The following KHDRBS2 variants were observed in gnomAD, a reference collection of about 807,000 sequenced individuals.
KHDRBS2 encodes the protein KH domain-containing, RNA-binding, signal transduction-associated protein 2.
In KHDRBS2, 26 loss-of-function variants were observed where a neutral mutation model predicts 44.3. The observed-to-expected ratio is 0.59, with a 90% CI of 0.43 to 0.81. The LOEUF is 0.81. KHDRBS2 is among the 40% of genes least tolerant of loss of function. KHDRBS2 has a pLI of 0.00. For missense variants in KHDRBS2, 476 were observed against 433.1 expected (o/e 1.10, Z -0.88); for synonymous variants, 194 against 151.1 (o/e 1.28, Z -2.08).
At chr6:61,870,539 C>A (rs1268165788) in intron 6 of KHDRBS2, among the ~76,000 whole-genome samples, 1 of 152,134 alleles carries the variant, frequency 6.6e-6, no homozygotes, top group Non-Finnish European at 1.5e-5. Flanking sequence ...TGTCAGACTG[C>A]CTCCTCAAGT....
intron 1 of KHDRBS2, among the ~76,000 whole-genome samples, chr6:62,225,982 G>A (rs1234982556): frequency 6.6e-6 from 1 of 152,158 alleles, no homozygotes; most frequent in African/African-American, 2.4e-5. Context: ...ATTGTAAATA[G>A]TGTTGCAATA....
intron 4 of KHDRBS2, among the ~76,000 whole-genome samples, chr6:61,966,400 T>C (rs754033403): frequency 2.4e-4 from 37 of 152,032 alleles, no homozygotes; most frequent in Admixed American, 9.2e-4. Context: ...CTTTCTCCCA[T>C]ACTATGACTG....
chr6:61,881,945 A>C (rs576653996), intron 6 of KHDRBS2, among the ~76,000 whole-genome samples: 6 of 152,058 alleles, frequency 3.9e-5, no homozygotes, highest in Non-Finnish European at 5.9e-5. Context: ...AAAATATTGC[A>C]GTATAAATGG....
chr6:62,098,986 T>A (rs548431729), intron 2 of KHDRBS2, among the ~76,000 whole-genome samples: 2 of 152,298 alleles, frequency 1.3e-5, no homozygotes, highest in East Asian at 3.9e-4. Context: ...GTTGGATTTT[T>A]AAAAAAATTA....
At chr6:62,127,433 A>G (rs1442123064) in intron 2 of KHDRBS2, among the ~76,000 whole-genome samples, 3 of 152,154 alleles carry the variant, frequency 2.0e-5, no homozygotes, top group Non-Finnish European at 4.4e-5. Context: ...ATTAAAACAT[A>G]AAACTGGTCA....
At chr6:62,175,409 A>G (rs919678389) in intron 2 of KHDRBS2, among the ~76,000 whole-genome samples, 1 of 151,590 alleles carries the variant, frequency 6.6e-6, no homozygotes, top group Admixed American at 6.6e-5. Context: ...AAAGTAATGC[A>G]AATATGTGGG....
intron 2 of KHDRBS2, among the ~76,000 whole-genome samples, chr6:62,079,210 T>C (rs1796930360): frequency 6.6e-6 from 1 of 152,032 alleles, no homozygotes; most frequent in Non-Finnish European, 1.5e-5. Context: ...TTTATCATGC[T>C]GTTTTGTCTC....
intron 3 of KHDRBS2, among the ~76,000 whole-genome samples, chr6:61,980,158 G>T (rs1468861518): frequency 6.6e-6 from 1 of 152,094 alleles, no homozygotes; most frequent in African/African-American, 2.4e-5. Flanking sequence ...TCTTCCATAA[G>T]CAGTGTATCC....
At chr6:62,140,840 A>C (rs1812660480) in intron 2 of KHDRBS2, among the ~76,000 whole-genome samples, 1 of 152,216 alleles carries the variant, frequency 6.6e-6, no homozygotes, top group South Asian at 2.1e-4. Flanking sequence ...GAATCAAAGG[A>C]AATATAAGCT....
intron 2 of KHDRBS2, among the ~76,000 whole-genome samples, chr6:62,077,293 C>T (rs935929044): frequency 5.9e-5 from 9 of 152,078 alleles, no homozygotes; most frequent in South Asian, 2.1e-4. Flanking sequence ...TTCAGACCTA[C>T]CAGAAGCAAT....
chr6:62,141,992 T>C (rs1812920195), intron 2 of KHDRBS2, among the ~76,000 whole-genome samples: 1 of 152,008 alleles, frequency 6.6e-6, no homozygotes, highest in African/African-American at 2.4e-5. Flanking sequence ...TTACAAAAAC[T>C]CACCAAAAGT....
intron 3 of KHDRBS2, among the ~76,000 whole-genome samples, chr6:62,024,976 G>T (rs1167929940): frequency 6.6e-6 from 1 of 151,558 alleles, no homozygotes; most frequent in East Asian, 1.9e-4. Context: ...ATATAAAACA[G>T]TCAAAACAAT....
chr6:61,839,164 T>A (rs1056958523), intron 6 of KHDRBS2, among the ~76,000 whole-genome samples: 3 of 152,118 alleles, frequency 2.0e-5, no homozygotes, highest in African/African-American at 7.2e-5. Flanking sequence ...ATAAGAAGCG[T>A]CTGTGTCTCC....
At chr6:61,920,463 A>G (rs1807868288) in intron 4 of KHDRBS2, among the ~76,000 whole-genome samples, 2 of 151,946 alleles carry the variant, frequency 1.3e-5, no homozygotes, top group Non-Finnish European at 2.9e-5. Flanking sequence ...TATACCACCT[A>G]TTTGAAACAA....
At chr6:61,639,894 G>A in the KHDRBS2 span, among the ~76,000 whole-genome samples, 1 of 152,020 alleles carries the variant, frequency 6.6e-6, no homozygotes, top group East Asian at 1.9e-4. Context: ...GAAAAAAGAA[G>A]AGGGGACTGT....
chr6:62,210,649 T>G (rs1332781133), intron 1 of KHDRBS2, among the ~76,000 whole-genome samples: 1 of 152,162 alleles, frequency 6.6e-6, no homozygotes, highest in Non-Finnish European at 1.5e-5. Flanking sequence ...AACAGATTAT[T>G]CCTTTTCTAT....
At chr6:62,241,853 G>A (rs1162571533) in intron 1 of KHDRBS2, among the ~76,000 whole-genome samples, 1 of 152,058 alleles carries the variant, frequency 6.6e-6, no homozygotes, top group Non-Finnish European at 1.5e-5. Context: ...TATGCATATA[G>A]TCTGGCTCCG....
chr6:62,175,709 T>C (rs1257169776), intron 2 of KHDRBS2, among the ~76,000 whole-genome samples: 5 of 151,574 alleles, frequency 3.3e-5, no homozygotes, highest in African/African-American at 1.2e-4. Context: ...GAGCATTTTC[T>C]TATACATTAC....
chr6:61,775,492 G>C (rs1393782767), intron 6 of KHDRBS2, among the ~76,000 whole-genome samples: 3 of 151,940 alleles, frequency 2.0e-5, no homozygotes, highest in South Asian at 2.1e-4. Flanking sequence ...TTCTTATACA[G>C]CAATAACAGA....
Sources: gnomAD v4.1 joint callset for allele counts (sites outside exome capture counted in the v4.1 genomes callset) on GRCh38, gnomAD v4.1.1 for gene constraint, MANE v1.5 for transcripts, NCBI Gene and HGNC (gene_info 2026-07-23, HGNC 2026-07-21) for gene names.